The following EPHA5 variants were observed in gnomAD, a reference collection of about 807,000 sequenced individuals.
EPHA5 encodes the protein EPH receptor A5, also known as ephrin type-A receptor 5.
EPHA5 carries 60 observed loss-of-function variants against 105.0 expected under a neutral mutation model. The observed-to-expected ratio is 0.57, with a 90% CI of 0.46 to 0.71. EPHA5 has a LOEUF of 0.71. Ranked by LOEUF, EPHA5 falls within the 30% of genes least tolerant of loss-of-function variation. The pLI is 0.00. For missense variants in EPHA5, 1,218 were observed against 1,274.7 expected (o/e 0.96, Z 0.68); for synonymous variants, 513 against 449.1 (o/e 1.14, Z -1.80).
intron 5 of EPHA5, among the ~76,000 whole-genome samples, chr4:65,429,077 G>C (rs1268995512): frequency 1.3e-5 from 2 of 151,732 alleles, no homozygotes; most frequent in African/African-American, 4.8e-5. Context: ...TTTAATACAC[G>C]AAGAGTCCTA....
intron 14 of EPHA5, among the ~76,000 whole-genome samples, chr4:65,341,053 C>T (rs1389110556): frequency 1.3e-5 from 2 of 152,048 alleles, no homozygotes; most frequent in African/African-American, 4.8e-5. Flanking sequence ...TCCCGGCTTC[C>T]CTTCATCCCT....
intron 8 of EPHA5, among the ~76,000 whole-genome samples, chr4:65,393,656 A>G (rs571796455): frequency 6.6e-6 from 1 of 152,326 alleles, no homozygotes; most frequent in East Asian, 1.9e-4. Context: ...TGCATAACAG[A>G]CATTATTTTA....
chr4:65,601,415 A>G (rs1439039191), intron 3 of EPHA5, among the ~76,000 whole-genome samples: 1 of 152,224 alleles, frequency 6.6e-6, no homozygotes, highest in African/African-American at 2.4e-5. Flanking sequence ...TGCAAGTCAG[A>G]CACTCTCTGA....
intron 3 of EPHA5, among the ~76,000 whole-genome samples, chr4:65,508,909 G>A (rs1733330951): frequency 6.6e-6 from 1 of 152,088 alleles, no homozygotes; most frequent in African/African-American, 2.4e-5. Context: ...AGGAAATATA[G>A]AGAACGCATT....
At chr4:65,491,538 C>A (rs1352575324) in intron 4 of EPHA5, among the ~76,000 whole-genome samples, 1 of 152,042 alleles carries the variant, frequency 6.6e-6, no homozygotes, top group African/African-American at 2.4e-5. Flanking sequence ...CAAATATTTT[C>A]ATAGAATCAT....
intron 3 of EPHA5, among the ~76,000 whole-genome samples, chr4:65,594,247 C>T (rs1157315532): frequency 6.6e-6 from 1 of 152,148 alleles, no homozygotes; most frequent in African/African-American, 2.4e-5. Flanking sequence ...ATAAAAGGAG[C>T]TTATCCAGTG....
intron 5 of EPHA5, among the ~76,000 whole-genome samples, chr4:65,446,829 T>C (rs1726582238): frequency 6.6e-6 from 1 of 152,030 alleles, no homozygotes. Context: ...GAATAAAACA[T>C]CAAGTAATAA....
chr4:65,338,535 TA>T (rs1238973344), intron 14 of EPHA5, among the ~76,000 whole-genome samples: 1 of 152,076 alleles, frequency 6.6e-6, no homozygotes, highest in Non-Finnish European at 1.5e-5. Flanking sequence ...TTAAACACCT[TA>T]AGAAGTTATT....
intron 8 of EPHA5, among the ~76,000 whole-genome samples, chr4:65,385,470 T>A (rs12509675): frequency 6.6e-6 from 1 of 151,870 alleles, no homozygotes; most frequent in African/African-American, 2.4e-5. Context: ...CATATTATGA[T>A]AATTGAACAT....
chr4:65,451,540 T>C (rs913073722), intron 5 of EPHA5, among the ~76,000 whole-genome samples: 3 of 152,148 alleles, frequency 2.0e-5, no homozygotes, highest in Non-Finnish European at 2.9e-5. Context: ...AATTACACTT[T>C]TATAACAATT....
At chr4:65,417,238 G>C (rs546688496) in intron 6 of EPHA5, among the ~76,000 whole-genome samples, 20 of 152,346 alleles carry the variant, frequency 1.3e-4, no homozygotes, top group Non-Finnish European at 2.2e-4. Flanking sequence ...GCTGGCAAAT[G>C]CATGTGCCCT....
intron 2 of EPHA5, among the ~76,000 whole-genome samples, chr4:65,615,327 T>G (rs1745135483): frequency 6.6e-6 from 1 of 151,838 alleles, no homozygotes; most frequent in African/African-American, 2.4e-5. Context: ...TTGGGGTACA[T>G]ACAAAAGTTC....
rs550264335 is a variant in EPHA5, at chr4:65,361,119, A to T, written c.2173+3898T>A. On this transcript the variant is annotated intron_variant, in intron 11 of 16. Transcript: ENST00000613740. ...CAAAAACCTCTGCCCTTTGAAGTTC[A>T]TATTTTAAAACTTGTACTCCAATGT... Among the ~76,000 whole-genome samples the T allele has an allele frequency of 5.3e-4, 81 of 151,766 alleles. 1 individual carries two copies. The highest frequency in any genetic ancestry group is 1.1e-3 in the Non-Finnish European group (76 of 67,756).
intron 3 of EPHA5, among the ~76,000 whole-genome samples, chr4:65,497,310 A>G (rs1347378264): frequency 2.0e-5 from 3 of 152,116 alleles, no homozygotes; most frequent in African/African-American, 7.2e-5. Context: ...TGCCATCACC[A>G]TGAATAATCA....
chr4:65,477,505 C>T (rs765917268), intron 5 of EPHA5, among the ~76,000 whole-genome samples: 4 of 152,050 alleles, frequency 2.6e-5, no homozygotes, highest in Admixed American at 6.6e-5. Context: ...CTCTGCCTCC[C>T]GGGTTTAAGT....
chr4:65,413,779 AG>A (rs1247019556), intron 7 of EPHA5, among the ~76,000 whole-genome samples: 1 of 152,208 alleles, frequency 6.6e-6, no homozygotes, highest in African/African-American at 2.4e-5. Flanking sequence ...TGATTCAAAA[AG>A]GGTGCTCCAA....
intron 1 of EPHA5, among the ~76,000 whole-genome samples, chr4:65,667,126 GCAAA>G (rs999410252): frequency 5.9e-5 from 9 of 152,012 alleles, no homozygotes; most frequent in Non-Finnish European, 8.8e-5. Flanking sequence ...CCCTCCAGAA[GCAAA>G]CAAACAAATT....
chr4:65,560,747 A>G (rs996812747), intron 3 of EPHA5, among the ~76,000 whole-genome samples: 2 of 152,146 alleles, frequency 1.3e-5, no homozygotes, highest in African/African-American at 2.4e-5. Context: ...TTATGTTCAC[A>G]TAAGTATTCT....
At chr4:65,344,901 A>C (rs925684237) in intron 14 of EPHA5, among the ~76,000 whole-genome samples, 1 of 152,190 alleles carries the variant, frequency 6.6e-6, no homozygotes, top group Non-Finnish European at 1.5e-5. Flanking sequence ...GAAATGAAAG[A>C]GAGGTAGGAG....
Sources: allele counts gnomAD v4.1 joint callset (sites outside exome capture counted in the v4.1 genomes callset), GRCh38; gene constraint gnomAD v4.1.1; transcripts MANE v1.5; gene names NCBI Gene and HGNC (gene_info 2026-07-23, HGNC 2026-07-21).